The following FBXL17 variants were observed in gnomAD, a reference collection of about 807,000 sequenced individuals.
FBXL17 encodes the protein F-box and leucine rich repeat protein 17.
In FBXL17, 22 loss-of-function variants were observed where a neutral mutation model predicts 66.2. The observed-to-expected ratio is 0.33, with a 90% CI of 0.24 to 0.47. The LOEUF (loss-of-function observed/expected upper bound fraction) is 0.47, where lower values mean the gene tolerates loss of function less well. FBXL17 is among the 20% of genes least tolerant of loss of function. The pLI, the probability that FBXL17 is intolerant of heterozygous loss-of-function variation, is 1.00. For missense variants in FBXL17, 878 were observed against 948.2 expected (o/e 0.93, Z 0.97); for synonymous variants, 474 against 400.5 (o/e 1.18, Z -2.19).
intron 7 of FBXL17, among the ~76,000 whole-genome samples, chr5:107,942,193 G>A (rs1037977824): frequency 1.3e-5 from 2 of 152,044 alleles, no homozygotes; most frequent in South Asian, 2.1e-4. Context: ...TAACATGCCC[G>A]CACTGGTCCT....
chr5:108,135,042 C>G (rs1192571571), intron 6 of FBXL17, among the ~76,000 whole-genome samples: 1 of 152,112 alleles, frequency 6.6e-6, no homozygotes, highest in Non-Finnish European at 1.5e-5. Context: ...CAGAAACTCA[C>G]AGCCTCAAAA....
chr5:108,199,395 G>A lies in FBXL17; in HGVS notation c.1615-13148C>T, dbSNP rs557866063. ...TTCTTTACATTTGCTTCTATAGATT[G>A]ACATTATAGATTACAGCACTGAGAA... On this transcript the variant is annotated intron_variant, in intron 5 of 8. Coordinates refer to ENST00000542267, the MANE Select transcript of FBXL17 (RefSeq NM_001163315.3). Among the ~76,000 whole-genome samples, 51 of 152,198 alleles carry A rather than the reference G, an allele frequency of 3.4e-4. No individual in the cohort carries two copies. The South Asian group carries it at 0.01, about 31-fold the overall frequency.
At chr5:108,009,282 T>TAC (rs1216444049) in intron 7 of FBXL17, among the ~76,000 whole-genome samples, 1 of 54,796 alleles carries the variant, frequency 1.8e-5, no homozygotes, top group African/African-American at 1.3e-4. Flanking sequence ...TATATATATA[T>TAC]ATATATATAT....
chr5:107,900,199 A>G (rs1749526384), intron 7 of FBXL17, among the ~76,000 whole-genome samples: 1 of 152,184 alleles, frequency 6.6e-6, no homozygotes, highest in African/African-American at 2.4e-5. Context: ...GACTTGATTC[A>G]GTTGGTCTTT....
chr5:108,161,183 T>A (rs1752202011), intron 6 of FBXL17, among the ~76,000 whole-genome samples: 1 of 151,932 alleles, frequency 6.6e-6, no homozygotes, highest in Non-Finnish European at 1.5e-5. Flanking sequence ...CATACATACA[T>A]ACATACATAC....
At chr5:108,199,901 T>G (rs542073075) in intron 5 of FBXL17, among the ~76,000 whole-genome samples, 1 of 152,204 alleles carries the variant, frequency 6.6e-6, no homozygotes, top group African/African-American at 2.4e-5. Context: ...GAAGACAAAC[T>G]GGATATGGTA....
rs77297800 is a variant in FBXL17, at chr5:108,141,652, G to A, written c.1745+44465C>T. ...TGCCTAATTAATCTGAAGGCAATGC[G>A]GAGCCTCTGGAGAAATTTTCAAACA... On this transcript the variant is annotated intron_variant, in intron 6 of 8. Coordinates refer to ENST00000542267, the MANE Select transcript of FBXL17 (RefSeq NM_001163315.3). 3.2e-3 allele frequency among the ~76,000 whole-genome samples: 490 copies of A among 152,300 alleles called. 2 individuals carry two copies. Among genetic ancestry groups the A allele is most frequent in the African/African-American group, 0.011 (465 of 41,548 alleles).
At chr5:108,364,191 T>C (rs1272388188) in intron 3 of FBXL17, among the ~76,000 whole-genome samples, 2 of 151,980 alleles carry the variant, frequency 1.3e-5, no homozygotes, top group African/African-American at 2.4e-5. Flanking sequence ...GAATAAATAA[T>C]CCACTCCGAG....
intron 5 of FBXL17, among the ~76,000 whole-genome samples, chr5:108,216,470 G>C: frequency 6.6e-6 from 1 of 152,032 alleles, no homozygotes; most frequent in African/African-American, 2.4e-5. Context: ...TTCATTTGCA[G>C]ATTATTCATT....
chr5:108,040,579 T>C (rs1189235677), intron 6 of FBXL17, among the ~76,000 whole-genome samples: 1 of 152,150 alleles, frequency 6.6e-6, no homozygotes, highest in Non-Finnish European at 1.5e-5. Context: ...TTCCCTGACA[T>C]GCAAAGATTT....
At chr5:108,348,996 G>A (rs966769550) in intron 3 of FBXL17, among the ~76,000 whole-genome samples, 6 of 151,990 alleles carry the variant, frequency 3.9e-5, no homozygotes, top group Non-Finnish European at 5.9e-5. Flanking sequence ...TGTAGAGCTA[G>A]GGTCTCGCTA....
At chr5:107,939,404 T>C (rs1751018705) in intron 7 of FBXL17, among the ~76,000 whole-genome samples, 1 of 152,126 alleles carries the variant, frequency 6.6e-6, no homozygotes, top group South Asian at 2.1e-4. Flanking sequence ...CTCTGTCCTC[T>C]TTCTCAATCT....
chr5:107,973,904 T>C (rs1752481655), intron 7 of FBXL17, among the ~76,000 whole-genome samples: 1 of 151,812 alleles, frequency 6.6e-6, no homozygotes, highest in South Asian at 2.1e-4. Context: ...CAAAATCTTA[T>C]TTAGTGATAA....
chr5:108,088,023 A>G (rs1749037471), intron 6 of FBXL17, among the ~76,000 whole-genome samples: 1 of 152,146 alleles, frequency 6.6e-6, no homozygotes, highest in South Asian at 2.1e-4. Flanking sequence ...GATTTCATGT[A>G]TAATCTGGGT....
chr5:107,962,485 A>G (rs17160769), intron 7 of FBXL17, among the ~76,000 whole-genome samples: 7,283 of 152,202 alleles, frequency 0.048, 519 homozygotes, highest in East Asian at 0.31. Flanking sequence ...TAAAGATGAC[A>G]AATACATATT....
In FBXL17 at chr5:108,271,768, G is replaced by T. The variant is rs566858942; in HGVS notation, c.1507-47540C>A. On this transcript the variant is annotated intron_variant, in intron 4 of 8. Coordinates refer to ENST00000542267, the MANE Select transcript of FBXL17 (RefSeq NM_001163315.3). ...CATCTAGTTGGAAAAATCCTTCCAA[G>T]TATTTAGTGATAGAACTAGGGAGGA... is the stretch of plus-strand genomic sequence containing the variant. 2.7e-4 allele frequency among the ~76,000 whole-genome samples: 41 copies of T among 152,268 alleles called. No individual in the cohort carries two copies. In the South Asian group the frequency reaches 8.1e-3, roughly 30 times the overall value.
At chr5:108,380,625 A>G in intron 1 of FBXL17, 74 bp downstream of exon 1, 8 of 937,168 alleles carry the variant, frequency 8.5e-6, no homozygotes, top group Non-Finnish European at 1.1e-5. Context: ...TAGGGGGAGG[A>G]GAGAGAAAGC....
chr5:108,159,820 C>G (rs937543084), intron 6 of FBXL17, among the ~76,000 whole-genome samples: 1 of 152,032 alleles, frequency 6.6e-6, no homozygotes, highest in African/African-American at 2.4e-5. Context: ...TGTACTAAAT[C>G]CACGATGTCT....
chr5:107,984,499 G>C (rs1752942623), intron 7 of FBXL17, among the ~76,000 whole-genome samples: 1 of 152,140 alleles, frequency 6.6e-6, no homozygotes, highest in Non-Finnish European at 1.5e-5. Context: ...CACAACTTCA[G>C]TTCCCAGATG....
Sources: gnomAD v4.1 joint callset for allele counts (sites outside exome capture counted in the v4.1 genomes callset) on GRCh38, gnomAD v4.1.1 for gene constraint, MANE v1.5 for transcripts, NCBI Gene and HGNC (gene_info 2026-07-23, HGNC 2026-07-21) for gene names.